The following MCPH1 variants were observed in gnomAD, a reference collection of about 807,000 sequenced individuals.
MCPH1 encodes the protein microcephalin 1.
Under a neutral mutation model 84.5 loss-of-function variants are expected in MCPH1, and 104 were observed. The observed-to-expected ratio is 1.23, with a 90% CI of 1.05 to 1.45. MCPH1 has a LOEUF of 1.45. Ranked by LOEUF, MCPH1 falls within the 40% of genes most tolerant of loss-of-function variation. MCPH1 has a pLI of 0.00. For synonymous variants in MCPH1, 514 were observed against 366.8 expected (o/e 1.40, Z -4.58); for missense variants, 1,498 against 1,005.7 (o/e 1.49, Z -6.62).
At position 6,470,426 on chromosome 8, in the gene MCPH1, G is replaced by C. The variant is rs138642656; in HGVS notation, c.1936-7168G>C. Reference sequence around the variant, plus strand: ...AGCCTCCTGAGTAGCTGGGATTACAGGTTTCCTGCCACCACACCCAGCTAA... The same window carrying C: ...AGCCTCCTGAGTAGCTGGGATTACACGTTTCCTGCCACCACACCCAGCTAA... On this transcript the variant is annotated intron_variant, in intron 9 of 13. Coordinates refer to ENST00000344683, the MANE Select transcript of MCPH1 (RefSeq NM_024596.5). Among the ~76,000 whole-genome samples, 3 of 152,216 alleles carry C rather than the reference G, an allele frequency of 2.0e-5. No homozygotes were observed. The East Asian group carries it at 5.8e-4, about 29-fold the overall frequency.
chr8:6,407,107 C>G lies in MCPH1; in HGVS notation c.22+418C>G, dbSNP rs1030673513. ...CTGCTTTCACCCCTGCTGCCTTAGT[C>G]CCTGGATCTGGGGCTCACTGGCAGG... On this transcript the variant is annotated intron_variant, in intron 1 of 13. Coordinates refer to ENST00000344683, the MANE Select transcript of MCPH1 (RefSeq NM_024596.5). The G allele has an allele frequency of 7.1e-5, 21 of 294,646 alleles. 1 individual carries two copies. The East Asian group carries it at 2.1e-3, about 30-fold the overall frequency. The allele number at this position is 294,646 out of a possible 1,614,324, so 18.3% of individuals were successfully genotyped here. A position where few individuals can be genotyped will look rare whatever the true frequency, so the allele number is the denominator to read the frequency against.
chr8:6,438,685 G>C (rs1399065194), intron 5 of MCPH1, among the ~76,000 whole-genome samples: 1 of 152,188 alleles, frequency 6.6e-6, no homozygotes, highest in Non-Finnish European at 1.5e-5. Flanking sequence ...ATTTGGGTTT[G>C]GATTTGAGGT....
intron 11 of MCPH1, 64 bp from the exon 12 acceptor site, chr8:6,499,788 C>A: frequency 2.1e-6 from 3 of 1,456,786 alleles, no homozygotes; most frequent in South Asian, 1.1e-5. Flanking sequence ...CAAAGTGATT[C>A]TTGGTTTATT....
At chr8:6,608,514 G>T (rs1829976303) in intron 12 of MCPH1, among the ~76,000 whole-genome samples, 1 of 152,116 alleles carries the variant, frequency 6.6e-6, no homozygotes. Context: ...TGTGCTCAGT[G>T]CAGGGCAGCA....
chr8:6,427,196 G>A (rs571247002), intron 3 of MCPH1, among the ~76,000 whole-genome samples: 11 of 152,292 alleles, frequency 7.2e-5, no homozygotes, highest in South Asian at 2.1e-4. Flanking sequence ...TACATAGGGC[G>A]TTTACTATGA....
At chr8:6,572,873 C>T (rs1447657801) in intron 12 of MCPH1, among the ~76,000 whole-genome samples, 1 of 152,244 alleles carries the variant, frequency 6.6e-6, no homozygotes, top group African/African-American at 2.4e-5. Context: ...CCTCCCAAAC[C>T]ACGTAAGGGC....
chr8:6,443,597 T>C (rs1197300328), intron 7 of MCPH1, among the ~76,000 whole-genome samples: 1 of 152,204 alleles, frequency 6.6e-6, no homozygotes, highest in Non-Finnish European at 1.5e-5. Flanking sequence ...TTCTTCATAT[T>C]CATTCCAGTA....
intron 13 of MCPH1, among the ~76,000 whole-genome samples, chr8:6,640,057 C>A (rs1227641280): frequency 1.0e-5 from 1 of 98,994 alleles, no homozygotes; most frequent in Admixed American, 1.1e-4. Context: ...CTATTTTAAA[C>A]TCGTGTGTGT....
chr8:6,631,216 G>A (rs1406170609), intron 13 of MCPH1, among the ~76,000 whole-genome samples: 1 of 152,184 alleles, frequency 6.6e-6, no homozygotes, highest in East Asian at 1.9e-4. Context: ...ATTCATACCT[G>A]AAGGATTGAT....
At chr8:6,614,080 G>T (rs927113079) in intron 12 of MCPH1, among the ~76,000 whole-genome samples, 10 of 152,236 alleles carry the variant, frequency 6.6e-5, no homozygotes, top group African/African-American at 1.9e-4. Flanking sequence ...CTCAGTGCAG[G>T]CCACATTGTC....
chr8:6,409,694 G>A (rs553106925), intron 2 of MCPH1, among the ~76,000 whole-genome samples: 1 of 9,634 alleles, frequency 1.0e-4, no homozygotes, highest in Admixed American at 2.3e-3. Context: ...TGTAAATTTG[G>A]GCATACTGAA....
At chr8:6,422,705 T>C (rs1407928388) in intron 3 of MCPH1, among the ~76,000 whole-genome samples, 2 of 152,244 alleles carry the variant, frequency 1.3e-5, no homozygotes, top group Non-Finnish European at 1.5e-5. Flanking sequence ...TTTTCTTTTC[T>C]GGAGACTGAG....
chr8:6,613,952 G>C (rs537171871), intron 12 of MCPH1, among the ~76,000 whole-genome samples: 2 of 152,264 alleles, frequency 1.3e-5, no homozygotes, highest in South Asian at 2.1e-4. Context: ...GTGATCACCA[G>C]AATAGTTAAT....
chr8:6,580,656 CAAAAACAAAAACAAA>C (rs2129577009), intron 12 of MCPH1, among the ~76,000 whole-genome samples: 1 of 151,674 alleles, frequency 6.6e-6, no homozygotes, highest in African/African-American at 2.4e-5. Flanking sequence ...ATCTCAACCA[CAAAAACAAAAACAAA>C]ACAAAACAAA....
chr8:6,478,070 A>G (rs1808713260), intron 10 of MCPH1, among the ~76,000 whole-genome samples: 1 of 152,236 alleles, frequency 6.6e-6, no homozygotes, highest in Non-Finnish European at 1.5e-5. Flanking sequence ...TTAAACATTT[A>G]ACACAACAAA....
chr8:6,517,469 C>G (rs561555704), intron 12 of MCPH1, among the ~76,000 whole-genome samples: 2 of 152,176 alleles, frequency 1.3e-5, no homozygotes, highest in Non-Finnish European at 2.9e-5. Context: ...GTAGAAGAAC[C>G]AAATGAATTT....
chr8:6,514,935 C>T lies in MCPH1; in HGVS notation c.2214+15006C>T, dbSNP rs1259314358. 2.0e-5 allele frequency among the ~76,000 whole-genome samples: 3 copies of T among 151,978 alleles called. No homozygotes were observed. The East Asian group carries it at 5.8e-4, about 29-fold the overall frequency. On this transcript the variant is annotated intron_variant, in intron 12 of 13. Coordinates refer to ENST00000344683, the MANE Select transcript of MCPH1 (RefSeq NM_024596.5). ...TAGACCATCGGGGTTGTCTAAGAAA[C>T]AGATGGTTTCAAATAAATTGAAAGT...
At chr8:6,461,816 C>G (rs2916742) in intron 9 of MCPH1, among the ~76,000 whole-genome samples, 39,826 of 152,126 alleles carry the variant, frequency 0.26, 7,644 homozygotes, top group African/African-American at 0.54. Flanking sequence ...TTGTCAGACA[C>G]AGAACCCAAA....
At chr8:6,511,561 A>G (rs548738590) in intron 12 of MCPH1, among the ~76,000 whole-genome samples, 3 of 152,188 alleles carry the variant, frequency 2.0e-5, no homozygotes, top group Non-Finnish European at 4.4e-5. Context: ...GGAAAAAAAA[A>G]TCCCTTACAT....
Sources: gnomAD v4.1 joint callset for allele counts (sites outside exome capture counted in the v4.1 genomes callset) on GRCh38, gnomAD v4.1.1 for gene constraint, MANE v1.5 for transcripts, NCBI Gene and HGNC (gene_info 2026-07-23, HGNC 2026-07-21) for gene names.